THAP3: variants seen among roughly 807,000 people sequenced by gnomAD.
THAP3 encodes the protein THAP domain containing 3.
A neutral mutation model predicts 17.7 loss-of-function variants in THAP3; 12 were observed. The ratio of observed to expected loss-of-function variants is 0.68; its 90% CI spans 0.43 to 1.10. THAP3 has a LOEUF of 1.10. THAP3 is among the 50% of genes least tolerant of loss of function. The pLI is 0.00. For missense variants in THAP3, 289 were observed against 318.0 expected, an observed-to-expected ratio of 0.91 and a Z score of 0.69; for synonymous variants, 133 against 126.9, an observed-to-expected ratio of 1.05 and a Z score of -0.32.
At chr1:6,630,598 T>G (rs1641582948) in intron 4 of THAP3, among the ~76,000 whole-genome samples, 1 of 152,138 alleles carries the variant, frequency 6.6e-6, no homozygotes, top group Non-Finnish European at 1.5e-5. Context: ...TTTTTGAGAC[T>G]GAGTCTCGCT....
intron 4 of THAP3, among the ~76,000 whole-genome samples, chr1:6,630,987 A>G (rs535563284): frequency 4.4e-4 from 67 of 151,092 alleles, no homozygotes; most frequent in Non-Finnish European, 8.7e-4. Flanking sequence ...GGGAGTATAG[A>G]TGTGAGTCAC....
Position 6,632,790 on chromosome 1 carries a change from C to T in THAP3, c.439-6C>T. On this transcript the variant is annotated splice_region_variant and splice_polypyrimidine_tract_variant and intron_variant, in intron 5 of 5. Transcript: ENST00000054650. ...CAGCTCTAGGCTCTCACTCCCCTGT[C>T]CTCAGGTCTCGCCACGGAGGCCGCA... 1.2e-6 allele frequency: 2 copies of T among 1,612,892 alleles called. No individual in the cohort carries two copies. Among genetic ancestry groups the T allele is most frequent in the Non-Finnish European group, 1.7e-6 (2 of 1,179,882 alleles).
intron 2 of THAP3, chr1:6,628,200 C>G (rs992777854): frequency 8.3e-6 from 3 of 360,804 alleles, no homozygotes; most frequent in Non-Finnish European, 1.5e-5. Flanking sequence ...TGTCTCATTA[C>G]CCCCCATCCC....
downstream of THAP3, chr1:6,635,513 T>C (rs1641745372): frequency 1.3e-6 from 1 of 756,344 alleles, no homozygotes; most frequent in Non-Finnish European, 2.1e-6. Context: ...CCTCAAAAGC[T>C]GGGGTGTCTG....
chr1:6,632,744 C>T, intron 5 of THAP3, 52 bp from the exon 6 acceptor site: 1 of 1,604,148 alleles, frequency 6.2e-7, no homozygotes, highest in Non-Finnish European at 8.5e-7. Context: ...CTCACCATGG[C>T]CCGCCTTCCT....
chr1:6,630,395 T>C (rs1288323099), intron 4 of THAP3, 42 bp downstream of exon 4: 2 of 1,601,852 alleles, frequency 1.2e-6, no homozygotes, highest in African/African-American at 1.3e-5. Context: ...TAAATTATGC[T>C]GTGGGTTGAG....
downstream of THAP3, chr1:6,633,944 C>CTAATT (rs1479796430): frequency 2.9e-5 from 39 of 1,350,780 alleles, no homozygotes; most frequent in Non-Finnish European, 3.8e-5. Context: ...CCTATTTTGT[C>CTAATT]TAATTTATAG....
At position 6,632,836 on chromosome 1, in the gene THAP3, G is replaced by C; in HGVS notation, c.479G>C (p.Arg160Pro). 6.2e-7 allele frequency: 1 copy of C among 1,612,972 alleles called. No homozygotes were observed. Among genetic ancestry groups the C allele is most frequent in the Non-Finnish European group, 8.5e-7 (1 of 1,179,908 alleles). ...RRPQATEAVG[R>P]PTGPAGLRRT... ...CCGCAAGCAACAGAGGCTGTTGGCC[G>C]GCCGACTGGCCCTGCAGGCCTGAGA... is the stretch of plus-strand genomic sequence containing the variant. The change falls in exon 6 of 6, where the codon CGG becomes CCG. Residue 160 changes from arginine (R) to proline (P), a missense_variant. Transcript: ENST00000054650.
At chr1:6,633,753 GAC>G, downstream of THAP3, among the ~76,000 whole-genome samples, 3 of 152,144 alleles carry the variant, frequency 2.0e-5, no homozygotes, top group Middle Eastern at 6.8e-3. Flanking sequence ...TACTAAAAAA[GAC>G]ACAAATTAGC....
intron 3 of THAP3, 70 bp downstream of exon 3, chr1:6,628,761 G>C (rs1212249083): frequency 6.8e-7 from 1 of 1,480,530 alleles, no homozygotes; most frequent in Non-Finnish European, 9.1e-7. Flanking sequence ...TGGGGGCAGT[G>C]GGGGTGGCGG....
At chr1:6,634,220 C>A, downstream of THAP3, 1 of 946,696 alleles carries the variant, frequency 1.1e-6, no homozygotes, top group Non-Finnish European at 1.6e-6. Context: ...CAGTCGACTG[C>A]AAATGAAACG....
intron 3 of THAP3, among the ~76,000 whole-genome samples, chr1:6,629,931 G>A (rs1307765912): frequency 6.6e-6 from 1 of 152,228 alleles, no homozygotes; most frequent in Non-Finnish European, 1.5e-5. Context: ...CCCAGGGGCT[G>A]CAGGTTCTGG....
chr1:6,625,481 G>A (rs573375216), intron 2 of THAP3, among the ~76,000 whole-genome samples, 189 bp downstream of exon 2: 24 of 151,782 alleles, frequency 1.6e-4, no homozygotes, highest in African/African-American at 5.5e-4. Flanking sequence ...AGTGGCGGAC[G>A]GAGGGGCAGC....
intron 4 of THAP3, 59 bp from the exon 5 acceptor site, chr1:6,632,332 C>T (rs1641638954): frequency 6.2e-7 from 1 of 1,601,332 alleles, no homozygotes; most frequent in Non-Finnish European, 8.5e-7. Context: ...CAAGTAGCAG[C>T]TGCAGGAGGG....
In THAP3 at chr1:6,633,279, G is replaced by A; in HGVS notation, c.*202G>A. ...GGGGACGTTTAGAGGCGTGGCACTA[G>A]GAGTGCACATCTGTGAGCATGACAA... On this transcript the variant is annotated 3_prime_UTR_variant, in exon 6 of 6. Transcript: ENST00000054650. 7.0e-7 allele frequency: 1 copy of A among 1,431,166 alleles called. No individual in the cohort carries two copies. The highest frequency in any genetic ancestry group is 1.5e-5 in the South Asian group (1 of 65,826). The allele number at this position is 1,431,166 out of a possible 1,614,324, so 88.7% of individuals were successfully genotyped here.
At chr1:6,634,315 G>A (rs1641710686), downstream of THAP3, 7 of 989,640 alleles carry the variant, frequency 7.1e-6, no homozygotes, top group Admixed American at 2.9e-5. Flanking sequence ...CGCTCACCGC[G>A]GCTCGGGCCG....
At position 6,628,704 on chromosome 1, in the gene THAP3, T is replaced by C. The variant is rs1309527546; in HGVS notation, c.267+13T>C. The C allele has an allele frequency of 6.2e-7, 1 of 1,607,906 alleles. No individual in the cohort carries two copies. Among genetic ancestry groups the C allele is most frequent in the Non-Finnish European group, 8.5e-7 (1 of 1,177,310 alleles). ...GGACCCCACACAGGTAGGAGGGCAC[T>C]GCACCTTCCGTCTGGTCACATCCAG... On this transcript the variant is annotated intron_variant, in intron 3 of 5. Transcript: ENST00000054650.
intron 1 of THAP3, 59 bp from the exon 2 acceptor site, chr1:6,625,091 C>A: frequency 1.9e-6 from 2 of 1,063,764 alleles, no homozygotes; most frequent in Admixed American, 2.6e-5. Flanking sequence ...AGGATGAGCG[C>A]GCCCTGGAGG....
chr1:6,624,873 T>A lies in THAP3; in HGVS notation c.-151T>A. 3.0e-6 allele frequency: 1 copy of A among 331,212 alleles called. No homozygotes were observed. The allele number at this position is 331,212 out of a possible 1,614,324, so 20.5% of individuals were successfully genotyped here. A position where few individuals can be genotyped will look rare whatever the true frequency, so the allele number is the denominator to read the frequency against. On this transcript the variant is annotated 5_prime_UTR_variant, in exon 1 of 6. Coordinates refer to ENST00000054650, the MANE Select transcript of THAP3 (RefSeq NM_001195753.2). ...GAGGGGTTGGCCGTTGGTTTCCAGT[T>A]GTCCAAGCCTGTGAGTGGCTATGCG... is the stretch of plus-strand genomic sequence containing the variant.
Sources: allele counts gnomAD v4.1 joint callset (sites outside exome capture counted in the v4.1 genomes callset), GRCh38; gene constraint gnomAD v4.1.1; transcripts MANE v1.5; gene names NCBI Gene and HGNC (gene_info 2026-07-23, HGNC 2026-07-21).